The following BCAR3 variants were observed in gnomAD, a reference collection of about 807,000 sequenced individuals.
BCAR3 encodes the protein BCAR3 adaptor protein, NSP family member.
In BCAR3, 37 loss-of-function variants were observed where a neutral mutation model predicts 80.1. The observed-to-expected ratio is 0.46, with a 90% CI of 0.36 to 0.61. BCAR3 has a LOEUF of 0.61. Among genes scored for constraint, BCAR3 ranks in the 20% least tolerant of loss-of-function variants. The pLI is 0.00. For missense variants in BCAR3, 978 were observed against 1,068.2 expected (o/e 0.92, Z 1.18); for synonymous variants, 389 against 418.9 (o/e 0.93, Z 0.87).
intron 2 of BCAR3, among the ~76,000 whole-genome samples, chr1:93,656,071 C>T (rs1490598971): frequency 6.6e-6 from 1 of 152,162 alleles, no homozygotes; most frequent in Non-Finnish European, 1.5e-5. Context: ...TTTTAAGTGC[C>T]TCATCTTCCC....
chr1:93,704,812 T>C (rs1329107251), intron 3 of BCAR3, among the ~76,000 whole-genome samples: 4 of 152,202 alleles, frequency 2.6e-5, no homozygotes, highest in African/African-American at 9.7e-5. Flanking sequence ...GCAGCAATTC[T>C]TCTTCTTTTT....
intron 2 of BCAR3, among the ~76,000 whole-genome samples, chr1:93,799,194 C>A (rs986827554): frequency 1.3e-5 from 2 of 152,144 alleles, no homozygotes; most frequent in African/African-American, 4.8e-5. Context: ...TCAGAGCCAA[C>A]AGGTCTATAT....
chr1:93,837,629 C>T (rs1266406514), intron 2 of BCAR3, among the ~76,000 whole-genome samples: 1 of 152,206 alleles, frequency 6.6e-6, no homozygotes, highest in East Asian at 1.9e-4. Flanking sequence ...TGCTGGGTCC[C>T]ACCCCTTCAA....
At chr1:93,740,001 A>G (rs12126315) in intron 2 of BCAR3, among the ~76,000 whole-genome samples, 15,395 of 150,802 alleles carry the variant, frequency 0.1, 1,031 homozygotes, top group East Asian at 0.19. Flanking sequence ...ATGCCACTGC[A>G]CTCCAGCCTG....
intron 2 of BCAR3, among the ~76,000 whole-genome samples, chr1:93,746,911 A>T (rs931957306): frequency 6.6e-6 from 1 of 152,130 alleles, no homozygotes; most frequent in Non-Finnish European, 1.5e-5. Flanking sequence ...GGCTTCTGCA[A>T]CACTCCTACT....
chr1:93,663,290 T>TA (rs1647747647), intron 2 of BCAR3, among the ~76,000 whole-genome samples: 1 of 152,246 alleles, frequency 6.6e-6, no homozygotes, highest in Non-Finnish European at 1.5e-5. Flanking sequence ...CTCTGCACTC[T>TA]GTTTCTTTAC....
At chr1:93,830,232 G>A (rs1654510853) in intron 2 of BCAR3, among the ~76,000 whole-genome samples, 1 of 152,176 alleles carries the variant, frequency 6.6e-6, no homozygotes, top group South Asian at 2.1e-4. Context: ...AGAGGCCGAG[G>A]TGGGTGGATC....
At chr1:93,648,298 T>C (rs764794951) in intron 2 of BCAR3, among the ~76,000 whole-genome samples, 5 of 152,106 alleles carry the variant, frequency 3.3e-5, no homozygotes, top group Non-Finnish European at 7.3e-5. Context: ...GTGAGAGGCA[T>C]AATGGGATGG....
At chr1:93,766,710 A>C (rs535949748) in intron 2 of BCAR3, among the ~76,000 whole-genome samples, 1 of 152,320 alleles carries the variant, frequency 6.6e-6, no homozygotes, top group Non-Finnish European at 1.5e-5. Context: ...TATCAGCTGT[A>C]ATCTTGTCAG....
chr1:93,747,257 A>G (rs921998746), intron 2 of BCAR3, among the ~76,000 whole-genome samples: 3 of 152,182 alleles, frequency 2.0e-5, no homozygotes, highest in African/African-American at 7.2e-5. Flanking sequence ...ATGGGAAACC[A>G]GGCTCAAAAG....
chr1:93,729,505 G>A (rs1650709432), intron 2 of BCAR3, among the ~76,000 whole-genome samples: 1 of 152,156 alleles, frequency 6.6e-6, no homozygotes, highest in Admixed American at 6.5e-5. Context: ...ATATGTTGGG[G>A]ACCAACCAGA....
intron 3 of BCAR3, among the ~76,000 whole-genome samples, chr1:93,631,529 T>A (rs1201524704): frequency 2.0e-5 from 3 of 152,058 alleles, no homozygotes; most frequent in Non-Finnish European, 4.4e-5. Flanking sequence ...CAGTGACTAT[T>A]GGGGTGGCAG....
At chr1:93,571,865 C>A in intron 8 of BCAR3, 24 bp from the exon 9 acceptor site, 1 of 1,606,108 alleles carries the variant, frequency 6.2e-7, no homozygotes, top group South Asian at 1.1e-5. Context: ...GATCAGCGGT[C>A]AGGTTCAGGG....
At chr1:93,770,566 G>T (rs1571114165) in intron 2 of BCAR3, among the ~76,000 whole-genome samples, 1 of 152,140 alleles carries the variant, frequency 6.6e-6, no homozygotes, top group Non-Finnish European at 1.5e-5. Flanking sequence ...TGAGGGAGGA[G>T]TTTATATATA....
At position 93,654,610 on chromosome 1, in the gene BCAR3, G is replaced by A. The variant is rs1389155343; in HGVS notation, c.318-12267C>T. Among the ~76,000 whole-genome samples the A allele has an allele frequency of 3.9e-5, 6 of 152,316 alleles. No homozygotes were observed. In the East Asian group the frequency reaches 1.2e-3, roughly 29 times the overall value. The stretch of plus-strand genomic sequence containing the variant: ...GAAGTCGCCAAGTTTTTGTTACACA[G>A]CAAAGAAAAATGAACATGCTCATTG... On this transcript the variant is annotated intron_variant, in intron 2 of 11. Coordinates refer to ENST00000260502, the MANE Select transcript of BCAR3 (RefSeq NM_003567.4).
intron 2 of BCAR3, among the ~76,000 whole-genome samples, chr1:93,761,727 T>G (rs184508924): frequency 6.8e-4 from 104 of 152,218 alleles, no homozygotes; most frequent in African/African-American, 2.4e-3. Context: ...TCATGGGTAA[T>G]CTGAACATCC....
At chr1:93,771,252 A>T (rs887152699) in intron 2 of BCAR3, among the ~76,000 whole-genome samples, 2 of 152,224 alleles carry the variant, frequency 1.3e-5, no homozygotes, top group Non-Finnish European at 2.9e-5. Flanking sequence ...CTGAGGTTAC[A>T]CAGGCAATCT....
chr1:93,600,989 G>GAGGA (rs1674603651), intron 3 of BCAR3, among the ~76,000 whole-genome samples: 1 of 152,170 alleles, frequency 6.6e-6, no homozygotes, highest in Non-Finnish European at 1.5e-5. Context: ...TGTCACATTG[G>GAGGA]GTGTGGAGGA....
At chr1:93,605,034 A>C (rs1443287759) in intron 3 of BCAR3, among the ~76,000 whole-genome samples, 1 of 152,172 alleles carries the variant, frequency 6.6e-6, no homozygotes, top group Non-Finnish European at 1.5e-5. Flanking sequence ...GATAAACCGA[A>C]ACACGATGAG....
Sources: allele counts gnomAD v4.1 joint callset (sites outside exome capture counted in the v4.1 genomes callset), GRCh38; gene constraint gnomAD v4.1.1; transcripts MANE v1.5; gene names NCBI Gene and HGNC (gene_info 2026-07-23, HGNC 2026-07-21).